The following MCTP1 variants were observed in gnomAD, a reference collection of about 807,000 sequenced individuals.
MCTP1 encodes multiple C2 and transmembrane domain containing 1, also known as multiple C2 and transmembrane domain-containing protein 1.
MCTP1 carries 69 observed loss-of-function variants against 120.6 expected under a neutral mutation model. The observed-to-expected ratio is 0.57, with a 90% CI of 0.47 to 0.70. The LOEUF (loss-of-function observed/expected upper bound fraction) is 0.70, where lower values mean the gene tolerates loss of function less well. MCTP1 is among the 30% of genes least tolerant of loss of function. The probability of loss-of-function intolerance (pLI) is 0.00; values close to 1 mark genes in which losing one functional copy is unlikely to be tolerated. For synonymous variants in MCTP1, 529 were observed against 493.1 expected (o/e 1.07, Z -0.96); for missense variants, 1,203 against 1,248.8 (o/e 0.96, Z 0.55).
At chr5:95,213,958 G>A (rs1433381078) in intron 1 of MCTP1, among the ~76,000 whole-genome samples, 2 of 151,976 alleles carry the variant, frequency 1.3e-5, no homozygotes, top group Non-Finnish European at 2.9e-5. Flanking sequence ...GCATGGGCAA[G>A]GACTTCATGT....
At chr5:94,854,704 G>A (rs1021341164) in intron 17 of MCTP1, among the ~76,000 whole-genome samples, 7 of 151,842 alleles carry the variant, frequency 4.6e-5, no homozygotes, top group African/African-American at 1.7e-4. Context: ...AGGCTCATCA[G>A]GGTAAGTATG....
chr5:94,960,172 G>T (rs570923781), intron 2 of MCTP1, among the ~76,000 whole-genome samples: 1 of 152,264 alleles, frequency 6.6e-6, no homozygotes, highest in Non-Finnish European at 1.5e-5. Flanking sequence ...AATGGGGAAA[G>T]GATACCCTAT....
At chr5:94,867,738 A>T (rs149176560) in intron 17 of MCTP1, 1 of 199,176 alleles carries the variant, frequency 5.0e-6, no homozygotes, top group South Asian at 1.5e-4. Context: ...TAAATAATCA[A>T]AGTAAAAGGC....
intron 12 of MCTP1, among the ~76,000 whole-genome samples, chr5:94,877,946 G>A (rs1002474403): frequency 2.6e-5 from 4 of 152,056 alleles, no homozygotes; most frequent in African/African-American, 9.7e-5. Context: ...TGTGTATGGG[G>A]ACCCAGTGAC....
intron 1 of MCTP1, among the ~76,000 whole-genome samples, chr5:95,036,242 T>C (rs941147667): frequency 2.6e-5 from 4 of 152,318 alleles, no homozygotes; most frequent in Admixed American, 2.0e-4. Context: ...TCAAGACCAG[T>C]CGTATTTCCA....
At chr5:94,765,389 T>C (rs916831610) in intron 19 of MCTP1, among the ~76,000 whole-genome samples, 1 of 151,806 alleles carries the variant, frequency 6.6e-6, no homozygotes, top group Non-Finnish European at 1.5e-5. Context: ...AAAGAAGTAA[T>C]AAAGATCAGA....
At chr5:95,100,081 C>A in intron 1 of MCTP1, among the ~76,000 whole-genome samples, 1 of 141,166 alleles carries the variant, frequency 7.1e-6, no homozygotes. Context: ...AATGAGAACA[C>A]GTGGACACAG....
intron 2 of MCTP1, among the ~76,000 whole-genome samples, chr5:94,962,760 T>C (rs949118783): frequency 5.9e-5 from 9 of 152,126 alleles, no homozygotes; most frequent in East Asian, 1.9e-4. Context: ...AGACTACACA[T>C]TGGGTACAGT....
chr5:95,200,841 T>A (rs1182390049), intron 1 of MCTP1, among the ~76,000 whole-genome samples: 1 of 152,354 alleles, frequency 6.6e-6, no homozygotes, highest in South Asian at 2.1e-4. Flanking sequence ...GTAATGCATA[T>A]GTTAATTAGC....
chr5:94,873,114 A>G lies in MCTP1; in HGVS notation c.2036+25T>C, dbSNP rs558847230. 3.1e-6 allele frequency: 4 copies of G among 1,299,308 alleles called. No individual in the cohort carries two copies. In the East Asian group the frequency reaches 9.3e-5, roughly 30 times the overall value. 80.5% of individuals were successfully genotyped at this position (1,299,308 alleles called of 1,614,324 possible). A position where few individuals can be genotyped will look rare whatever the true frequency, so the allele number is the denominator to read the frequency against. On this transcript the variant is annotated intron_variant, in intron 13 of 22. Transcript: ENST00000515393. The stretch of plus-strand genomic sequence containing the variant: ...TCAAATTTAACACAATTTTGGATTC[A>G]GAGCCCAAAGAAATGCCTACTTACA...
intron 1 of MCTP1, among the ~76,000 whole-genome samples, chr5:95,085,580 G>C (rs1325122036): frequency 1.3e-5 from 2 of 151,792 alleles, no homozygotes; most frequent in Admixed American, 6.6e-5. Flanking sequence ...TTGTACATGT[G>C]CATGTATTTG....
At chr5:94,752,384 T>C (rs558665677) in intron 19 of MCTP1, among the ~76,000 whole-genome samples, 37 of 151,988 alleles carry the variant, frequency 2.4e-4, no homozygotes, top group Middle Eastern at 3.4e-3. Flanking sequence ...TGACCAAATG[T>C]TCGCCAGAGT....
intron 1 of MCTP1, among the ~76,000 whole-genome samples, chr5:95,101,664 C>T (rs972230132): frequency 4.6e-5 from 7 of 152,164 alleles, no homozygotes; most frequent in Admixed American, 3.9e-4. Context: ...ACAGAAAGAA[C>T]GTAGAGAGTC....
At chr5:95,058,231 T>C (rs1747949474) in intron 1 of MCTP1, among the ~76,000 whole-genome samples, 1 of 152,232 alleles carries the variant, frequency 6.6e-6, no homozygotes, top group Admixed American at 6.5e-5. Flanking sequence ...AAAGCTAGAA[T>C]TTAATGTGAT....
chr5:95,226,240 T>C (rs10050382), intron 1 of MCTP1, among the ~76,000 whole-genome samples: 25,296 of 152,130 alleles, frequency 0.17, 2,157 homozygotes, highest in Non-Finnish European at 0.19. Flanking sequence ...TTATTGTTAA[T>C]GTGTTTGTTC....
At position 95,061,408 on chromosome 5, in the gene MCTP1, G is replaced by GTTGTTTTTTTTTTTTTTTTTTTTTTT. The variant is rs1749067994; in HGVS notation, c.721-43925_721-43924insAAAAAAAAAAAAAAAAAAAAAAACAA. On this transcript the variant is annotated intron_variant, in intron 1 of 22. Coordinates refer to ENST00000515393, the MANE Select transcript of MCTP1 (RefSeq NM_024717.7). The stretch of plus-strand genomic sequence containing the variant: ...ATCAATTTTCACAAACCCCTTAAGG[G>GTTGTTTTTTTTTTTTTTTTTTTTTTT]TTTTTTTTTTTTTTTTTTTTTTTTT... 1.5e-4 allele frequency among the ~76,000 whole-genome samples: 5 copies of GTTGTTTTTTTTTTTTTTTTTTTTTTT among 33,490 alleles called. 2 individuals are homozygous for GTTGTTTTTTTTTTTTTTTTTTTTTTT. Among genetic ancestry groups the GTTGTTTTTTTTTTTTTTTTTTTTTTT allele is most frequent in the Non-Finnish European group, 2.5e-4 (4 of 16,078 alleles). 22.0% of individuals were successfully genotyped at this position (33,490 alleles called of 152,430 possible).
intron 19 of MCTP1, among the ~76,000 whole-genome samples, chr5:94,718,730 T>A (rs544339206): frequency 3.5e-4 from 54 of 152,212 alleles, no homozygotes; most frequent in Admixed American, 1.6e-3. Context: ...TTATTATTAT[T>A]TTTTTTGACA....
chr5:95,165,307 A>C (rs1350882605), intron 1 of MCTP1, among the ~76,000 whole-genome samples: 2 of 152,360 alleles, frequency 1.3e-5, no homozygotes, highest in East Asian at 3.9e-4. Context: ...TGCCCACCTA[A>C]TACTTTGGAG....
At position 94,807,229 on chromosome 5, in the gene MCTP1, C is replaced by T. The variant is rs147065588; in HGVS notation, c.2437-8097G>A. On this transcript the variant is annotated intron_variant, in intron 17 of 22. Coordinates refer to ENST00000515393, the MANE Select transcript of MCTP1 (RefSeq NM_024717.7). ...GAATGTTTCTTGATGTGAGAGAGACCTCAAATTAGAAAGATAACAAATACA... is the reference window on the plus strand; with the variant it reads ...GAATGTTTCTTGATGTGAGAGAGACTTCAAATTAGAAAGATAACAAATACA... Among the ~76,000 whole-genome samples the T allele has an allele frequency of 1.9e-3, 289 of 152,130 alleles. 1 individual carries two copies. Among genetic ancestry groups the T allele is most frequent in the African/African-American group, 6.0e-3 (249 of 41,498 alleles).
Sources: gnomAD v4.1 joint callset for allele counts (sites outside exome capture counted in the v4.1 genomes callset) on GRCh38, gnomAD v4.1.1 for gene constraint, MANE v1.5 for transcripts, NCBI Gene and HGNC (gene_info 2026-07-23, HGNC 2026-07-21) for gene names.